The following GALNT18 variants were observed in gnomAD, a reference collection of about 807,000 sequenced individuals.
GALNT18 encodes polypeptide N-acetylgalactosaminyltransferase 18, also known as GalNAc-transferase 18.
GALNT18 carries 44 observed loss-of-function variants against 69.5 expected under a neutral mutation model. The ratio of observed to expected loss-of-function variants is 0.63; its 90% CI spans 0.50 to 0.81. The LOEUF is 0.81. GALNT18 is among the 40% of genes least tolerant of loss of function. The pLI is 0.00. For missense variants in GALNT18, 715 were observed against 810.0 expected, an observed-to-expected ratio of 0.88 and a Z score of 1.42; for synonymous variants, 364 against 318.2, an observed-to-expected ratio of 1.14 and a Z score of -1.53.
intron 10 of GALNT18, among the ~76,000 whole-genome samples, chr11:11,282,242 C>G (rs1348384003): frequency 6.6e-6 from 1 of 152,144 alleles, no homozygotes; most frequent in Non-Finnish European, 1.5e-5. Flanking sequence ...TTCCCACACT[C>G]AGTGCCTTCC....
intron 1 of GALNT18, among the ~76,000 whole-genome samples, chr11:11,574,665 A>G (rs113318550): frequency 0.016 from 2,495 of 152,302 alleles, 69 homozygotes; most frequent in African/African-American, 0.056. Flanking sequence ...GATGGCTAAA[A>G]GGAAGCAAAA....
intron 1 of GALNT18, among the ~76,000 whole-genome samples, chr11:11,558,575 A>T (rs1389667128): frequency 1.3e-5 from 2 of 152,212 alleles, no homozygotes; most frequent in Non-Finnish European, 2.9e-5. Flanking sequence ...GTCAGGCAGC[A>T]TTTCCACCCT....
rs1564908436 is a variant in GALNT18 at position 11,356,280 on chromosome 11, T to G, written c.1093-15276A>C. On this transcript the variant is annotated intron_variant, in intron 6 of 10. Transcript: ENST00000227756. This position sits in a 1 kb window ranked among gnomAD's most constrained non-coding sequence, Gnocchi z 4.4. Reference sequence around the variant, plus strand: ...GTTTGTGGCAGTTCTTCTGAGGAAATGATTCTGGCCTTGCTTGGTGGTCTC... The same window carrying G: ...GTTTGTGGCAGTTCTTCTGAGGAAAGGATTCTGGCCTTGCTTGGTGGTCTC... Among the ~76,000 whole-genome samples, 1 of 152,192 alleles carries G rather than the reference T, an allele frequency of 6.6e-6. No individual in the cohort carries two copies. Among genetic ancestry groups the G allele is most frequent in the Non-Finnish European group, 1.5e-5 (1 of 68,040 alleles).
intron 1 of GALNT18, among the ~76,000 whole-genome samples, chr11:11,608,691 T>A (rs1859814511): frequency 6.6e-6 from 1 of 152,184 alleles, no homozygotes; most frequent in Non-Finnish European, 1.5e-5. Context: ...TTGGGGAAAC[T>A]GAGGCCCTGC....
At chr11:11,391,949 C>G (rs985016075) in intron 3 of GALNT18, among the ~76,000 whole-genome samples, 2 of 152,146 alleles carry the variant, frequency 1.3e-5, no homozygotes, top group African/African-American at 2.4e-5. Context: ...GTGCCACAGG[C>G]GTGTGTTTCG....
At chr11:11,423,476 C>G (rs1564941399) in intron 3 of GALNT18, among the ~76,000 whole-genome samples, 1 of 152,202 alleles carries the variant, frequency 6.6e-6, no homozygotes, top group East Asian at 1.9e-4. Flanking sequence ...AATTACCTCT[C>G]ACCCAACAGA....
rs1292283220 is a variant in GALNT18 at position 11,618,815 on chromosome 11, A to T, written c.235+2544T>A. Among the ~76,000 whole-genome samples the T allele has an allele frequency of 6.6e-6, 1 of 152,168 alleles. No homozygotes were observed. Among genetic ancestry groups the T allele is most frequent in the African/African-American group, 2.4e-5 (1 of 41,434 alleles). On this transcript the variant is annotated intron_variant, in intron 1 of 10. Transcript: ENST00000227756. The surrounding 1 kb of genome is among the most constrained non-coding windows in gnomAD (Gnocchi z 6.1). ...TAGGGCCTGACATATCCTAGGTGCTATGTTATTTTAGCTCTTATTATTATT... is the reference window on the plus strand; with the variant it reads ...TAGGGCCTGACATATCCTAGGTGCTTTGTTATTTTAGCTCTTATTATTATT...
chr11:11,519,457 A>C (rs1857348043), intron 1 of GALNT18, among the ~76,000 whole-genome samples: 1 of 152,112 alleles, frequency 6.6e-6, no homozygotes, highest in Non-Finnish European at 1.5e-5. Context: ...TGTGAGCCAG[A>C]GGCATGGAAG....
intron 1 of GALNT18, among the ~76,000 whole-genome samples, chr11:11,561,830 C>T (rs11021932): frequency 2.6e-5 from 4 of 152,104 alleles, no homozygotes; most frequent in African/African-American, 4.8e-5. Flanking sequence ...AAAGCAAAGA[C>T]GAGAACCGGG....
intron 3 of GALNT18, among the ~76,000 whole-genome samples, chr11:11,392,142 CCTT>C (rs1189939321): frequency 6.6e-6 from 1 of 152,122 alleles, no homozygotes; most frequent in African/African-American, 2.4e-5. Context: ...ACTGTGAGCT[CCTT>C]AAGGAGGGAC....
In GALNT18 at chr11:11,463,654, G is replaced by T. The variant is rs1159084279; in HGVS notation, c.236-14718C>A. ...AGCTGTATTTCATCAGGGAGAAGTG[G>T]ATTTGTCCTTCGAAAAAACTGAACA... is the stretch of plus-strand genomic sequence containing the variant. On this transcript the variant is annotated intron_variant, in intron 1 of 10. Transcript: ENST00000227756. The surrounding 1 kb of genome is among the most constrained non-coding windows in gnomAD (Gnocchi z 4.2). 6.6e-6 allele frequency among the ~76,000 whole-genome samples: 1 copy of T among 152,164 alleles called. No homozygotes were observed. Among genetic ancestry groups the T allele is most frequent in the Admixed American group, 6.5e-5 (1 of 15,282 alleles).
intron 10 of GALNT18, among the ~76,000 whole-genome samples, chr11:11,289,512 G>GA (rs561392291): frequency 6.3e-4 from 96 of 152,290 alleles, no homozygotes; most frequent in Non-Finnish European, 7.5e-4. Context: ...CATGCCCTGG[G>GA]ATAAGGGAAG....
In GALNT18 at chr11:11,356,186, T is replaced by G. The variant is rs547539172; in HGVS notation, c.1093-15182A>C. ...CCCTCCTTCTGCAACTTCAGATTTA[T>G]GAATATCGGATCTTGTCCAAGGAAA... is the stretch of plus-strand genomic sequence containing the variant. On this transcript the variant is annotated intron_variant, in intron 6 of 10. Transcript: ENST00000227756. This position sits in a 1 kb window ranked among gnomAD's most constrained non-coding sequence, Gnocchi z 4.4. 1.0e-3 allele frequency among the ~76,000 whole-genome samples: 152 copies of G among 152,316 alleles called. No individual in the cohort carries two copies. The highest frequency in any genetic ancestry group is 3.4e-3 in the African/African-American group (141 of 41,570).
intron 6 of GALNT18, among the ~76,000 whole-genome samples, chr11:11,343,379 A>T (rs1850245764): frequency 1.3e-5 from 2 of 151,736 alleles, no homozygotes; most frequent in Non-Finnish European, 1.5e-5. Flanking sequence ...AAATAATAAT[A>T]AAAAAAAGGA....
At chr11:11,375,930 A>C (rs1183313208) in intron 5 of GALNT18, among the ~76,000 whole-genome samples, 1 of 152,100 alleles carries the variant, frequency 6.6e-6, no homozygotes, top group African/African-American at 2.4e-5. Context: ...TTTCAATTAA[A>C]TTTTTCATAC....
chr11:11,517,035 G>A (rs1413522821), intron 1 of GALNT18, among the ~76,000 whole-genome samples: 1 of 152,224 alleles, frequency 6.6e-6, no homozygotes, highest in Non-Finnish European at 1.5e-5. Context: ...AGGAATCCCA[G>A]AGAGCTCTCT....
chr11:11,508,774 TG>T lies in GALNT18; in HGVS notation c.236-59839del, dbSNP rs1857116744. Among the ~76,000 whole-genome samples, 3 of 152,214 alleles carry T rather than the reference TG, an allele frequency of 2.0e-5. No individual in the cohort carries two copies. The South Asian group carries it at 6.2e-4, about 32-fold the overall frequency. ...ACAGGATAGAACTCCATTTCTAAAA[TG>T]CATTCCACCAAAGCACAGTGAAAGC... On this transcript the variant is annotated intron_variant, in intron 1 of 10. Transcript: ENST00000227756.
intron 9 of GALNT18, among the ~76,000 whole-genome samples, chr11:11,324,598 T>C (rs1849887124): frequency 6.6e-6 from 1 of 152,232 alleles, no homozygotes; most frequent in Admixed American, 6.5e-5. Flanking sequence ...ATTAGGCCAT[T>C]CTTGAAGGAG....
At position 11,372,172 on chromosome 11, in the gene GALNT18, C is replaced by T. The variant is rs1850923206; in HGVS notation, c.1092+343G>A. 6.6e-6 allele frequency among the ~76,000 whole-genome samples: 1 copy of T among 152,216 alleles called. No individual in the cohort carries two copies. Among genetic ancestry groups the T allele is most frequent in the East Asian group, 1.9e-4 (1 of 5,206 alleles). ...CAAGGGGAGCTGACTCAGGGTCACTCTTGTCCAGCCACTCTCGATGCCTGT... is the reference window on the plus strand; with the variant it reads ...CAAGGGGAGCTGACTCAGGGTCACTTTTGTCCAGCCACTCTCGATGCCTGT... On this transcript the variant is annotated intron_variant, in intron 6 of 10. Coordinates refer to ENST00000227756, the MANE Select transcript of GALNT18 (RefSeq NM_198516.3). This position sits in a 1 kb window ranked among gnomAD's most constrained non-coding sequence, Gnocchi z 4.9.
Sources: gnomAD v4.1 joint callset for allele counts (sites outside exome capture counted in the v4.1 genomes callset) on GRCh38, gnomAD v4.1.1 for gene constraint, Gnocchi (gnomAD v3.1) non-coding constraint, MANE v1.5 for transcripts, NCBI Gene and HGNC (gene_info 2026-07-23, HGNC 2026-07-21) for gene names.